Variants in SRP54 observed in about 807,000 individuals in gnomAD.
SRP54 encodes signal recognition particle subunit SRP54.
Under a neutral mutation model 64.8 loss-of-function variants are expected in SRP54, and 10 were observed. The observed-to-expected ratio is 0.15, with a 90% CI of 0.10 to 0.26. The LOEUF (loss-of-function observed/expected upper bound fraction) is 0.26. Among genes scored for constraint, SRP54 ranks in the 10% least tolerant of loss-of-function variants. The probability of loss-of-function intolerance (pLI) is 1.00; values close to 1 mark genes in which losing one functional copy is unlikely to be tolerated. For synonymous variants in SRP54, 193 were observed against 185.6 expected (o/e 1.04, Z -0.32); for missense variants, 325 against 613.7 (o/e 0.53, Z 4.97).
intron 10 of SRP54, 32 bp downstream of exon 10, chr14:35,013,934 T>C (rs2044394865): frequency 7.0e-7 from 1 of 1,423,994 alleles, no homozygotes; most frequent in Admixed American, 1.9e-5. Flanking sequence ...TAGAAAAATC[T>C]CCAAGAAATA....
chr14:35,028,240 T>C, intron 15 of SRP54, 57 bp downstream of exon 15: 1 of 1,080,330 alleles, frequency 9.3e-7, no homozygotes, highest in Non-Finnish European at 1.4e-6. Context: ...GGGTTGAGTT[T>C]TAATGATAAG....
chr14:35,011,318 A>AT (rs1223692708), intron 7 of SRP54, among the ~76,000 whole-genome samples, 191 bp from the exon 8 acceptor site: 5 of 152,238 alleles, frequency 3.3e-5, no homozygotes, highest in Non-Finnish European at 4.4e-5. Context: ...TTGGAATTGG[A>AT]AAATTGGATA....
chr14:35,018,808 A>G, intron 12 of SRP54, 43 bp downstream of exon 12: 1 of 1,543,462 alleles, frequency 6.5e-7, no homozygotes, highest in Non-Finnish European at 8.9e-7. Context: ...TGTTTTCATT[A>G]AATTTTCTAA....
At position 34,994,054 on chromosome 14, in the gene SRP54, C is replaced by T. The variant is rs563863497; in HGVS notation, c.-33-2623C>T. The stretch of plus-strand genomic sequence containing the variant: ...TTGTTGCCCAGGCTGAGTGCAGTGG[C>T]GCGATCTCAGCTCACTGTAACCTCT... On this transcript the variant is annotated intron_variant, in intron 1 of 15. Coordinates refer to ENST00000216774, the MANE Select transcript of SRP54 (RefSeq NM_003136.4). Among the ~76,000 whole-genome samples, 5 of 152,026 alleles carry T rather than the reference C, an allele frequency of 3.3e-5. No individual in the cohort carries two copies. The South Asian group carries it at 6.2e-4, about 19-fold the overall frequency.
chr14:34,983,511 C>G (rs1322389785), intron 1 of SRP54, among the ~76,000 whole-genome samples: 6 of 152,234 alleles, frequency 3.9e-5, no homozygotes, highest in Non-Finnish European at 7.3e-5. Context: ...GAAGCTACTT[C>G]CCCGAAAATC....
At chr14:34,984,340 T>A (rs8022703) in intron 1 of SRP54, among the ~76,000 whole-genome samples, 1 of 152,200 alleles carries the variant, frequency 6.6e-6, no homozygotes, top group African/African-American at 2.4e-5. Flanking sequence ...AGCTCCTATC[T>A]CTTTGGTTAT....
rs778122134 is a variant in SRP54 at position 35,013,812 on chromosome 14, A to G, written c.796A>G (p.Thr266Ala). ...GGGALSAVAATKSPIIFIGTG... is the reference protein window; with the variant it reads ...GGGALSAVAAAKSPIIFIGTG... ...TCTTTTTTTTTCCAGAGTCGCTGCC[A>G]CAAAAAGTCCGATTATTTTCATTGG... The change falls in exon 10 of 16, where the codon ACA becomes GCA. Residue 266 changes from threonine (T) to alanine (A), a missense_variant. Physicochemically the swap from Thr to Ala is moderately conservative, Grantham distance 58. Transcript: ENST00000216774. 1 of 1,608,610 alleles carries G rather than the reference A, an allele frequency of 6.2e-7. No homozygotes were observed.
At chr14:35,024,839 G>T (rs2044595926) in intron 14 of SRP54, among the ~76,000 whole-genome samples, 1 of 152,094 alleles carries the variant, frequency 6.6e-6, no homozygotes, top group South Asian at 2.1e-4. Flanking sequence ...CTATTCTCCT[G>T]CCTCAGTCTC....
intron 7 of SRP54, among the ~76,000 whole-genome samples, chr14:35,010,698 G>C (rs1443309933): frequency 6.6e-6 from 1 of 151,978 alleles, no homozygotes; most frequent in South Asian, 2.1e-4. Context: ...CCAGGAGGCA[G>C]AAGTGGCAGT....
At chr14:34,996,127 G>T (rs2044069877) in intron 1 of SRP54, among the ~76,000 whole-genome samples, 2 of 151,638 alleles carry the variant, frequency 1.3e-5, no homozygotes, top group African/African-American at 4.8e-5. Context: ...AGAATAAAAT[G>T]AAATAATGTA....
chr14:35,007,034 A>AT (rs1491511073), intron 4 of SRP54, among the ~76,000 whole-genome samples: 2 of 152,160 alleles, frequency 1.3e-5, no homozygotes, highest in South Asian at 2.1e-4. Context: ...ACAAAAAAAA[A>AT]TTTTTTTAGT....
chr14:34,997,888 C>A (rs1315362506), intron 2 of SRP54, among the ~76,000 whole-genome samples: 4 of 151,956 alleles, frequency 2.6e-5, no homozygotes, highest in African/African-American at 9.7e-5. Flanking sequence ...TATAAAACGA[C>A]TTTCCAAACA....
At chr14:35,026,405 T>C (rs1013881642) in intron 14 of SRP54, among the ~76,000 whole-genome samples, 7 of 152,018 alleles carry the variant, frequency 4.6e-5, no homozygotes, top group Admixed American at 3.3e-4. Flanking sequence ...TGCTTTTTTT[T>C]GTTTTTTTTG....
chr14:35,027,389 C>T (rs2044649134), intron 14 of SRP54, among the ~76,000 whole-genome samples: 1 of 152,136 alleles, frequency 6.6e-6, no homozygotes, highest in Non-Finnish European at 1.5e-5. Context: ...CTAATTAACC[C>T]ATGTCTATAA....
intron 1 of SRP54, among the ~76,000 whole-genome samples, chr14:34,988,863 G>A (rs2043943836): frequency 6.6e-6 from 1 of 151,654 alleles, no homozygotes; most frequent in Admixed American, 6.6e-5. Flanking sequence ...GATGTAAAAT[G>A]GTGTAGTATT....
rs1161418949 is a variant in SRP54 at position 35,007,272 on chromosome 14, T to C, written c.256-11T>C. The C allele has an allele frequency of 6.6e-7, 1 of 1,524,134 alleles. No homozygotes were observed. Among genetic ancestry groups the C allele is most frequent in the Non-Finnish European group, 8.9e-7 (1 of 1,117,658 alleles). 94.4% of individuals were successfully genotyped at this position (1,524,134 alleles called of 1,614,324 possible). Reference sequence around the variant, plus strand: ...ACCTGATTTTATTTTTAATTTATTTTTGGTATTTAGCTTGTAGACCCTGGA... The same window carrying C: ...ACCTGATTTTATTTTTAATTTATTTCTGGTATTTAGCTTGTAGACCCTGGA... On this transcript the variant is annotated splice_polypyrimidine_tract_variant and intron_variant, in intron 4 of 15. Transcript: ENST00000216774.
intron 4 of SRP54, among the ~76,000 whole-genome samples, chr14:35,004,063 G>T (rs895624950): frequency 6.6e-6 from 1 of 152,008 alleles, no homozygotes; most frequent in African/African-American, 2.4e-5. Flanking sequence ...TGACCAACAT[G>T]GTGAAACTCC....
intron 1 of SRP54, among the ~76,000 whole-genome samples, chr14:34,987,192 C>G (rs368887284): frequency 6.8e-6 from 1 of 147,230 alleles, no homozygotes; most frequent in Non-Finnish European, 1.5e-5. Context: ...GATCTTGCCA[C>G]TGCACTCTAG....
At position 35,019,080 on chromosome 14, in the gene SRP54, A is replaced by T. The variant is rs1235360959; in HGVS notation, c.1156+6A>T. 3.1e-6 allele frequency: 5 copies of T among 1,595,314 alleles called. No individual in the cohort carries two copies. The highest frequency in any genetic ancestry group is 4.3e-6 in the Non-Finnish European group (5 of 1,163,878). On this transcript the variant is annotated splice_donor_region_variant and intron_variant, in intron 13 of 15. Coordinates refer to ENST00000216774, the MANE Select transcript of SRP54 (RefSeq NM_003136.4). ...GGATAGTATGAATGATCAAGGTAAGATGGCAGATTATTTTCCTCAGGCAAA... is the reference window on the plus strand; with the variant it reads ...GGATAGTATGAATGATCAAGGTAAGTTGGCAGATTATTTTCCTCAGGCAAA...
Sources: gnomAD v4.1 joint callset for allele counts (sites outside exome capture counted in the v4.1 genomes callset) on GRCh38, gnomAD v4.1.1 for gene constraint, MANE v1.5 for transcripts, NCBI Gene and HGNC (gene_info 2026-07-23, HGNC 2026-07-21) for gene names.